ATP10A: variants seen among roughly 807,000 people sequenced by gnomAD.
The protein encoded by ATP10A is phospholipid-transporting ATPase VA.
In ATP10A, 111 loss-of-function variants were observed where a neutral mutation model predicts 147.8. The observed-to-expected ratio is 0.75, with a 90% CI of 0.64 to 0.88. The LOEUF is 0.88. ATP10A is among the 40% of genes least tolerant of loss of function. The pLI is 0.00. For missense variants in ATP10A, 1,927 were observed against 1,959.0 expected, an observed-to-expected ratio of 0.98 and a Z score of 0.31; for synonymous variants, 875 against 841.6, an observed-to-expected ratio of 1.04 and a Z score of -0.69.
At chr15:25,678,530 G>A (rs1433133288), downstream of ATP10A, 1 of 152,154 alleles carries the variant, frequency 6.6e-6, no homozygotes, top group Non-Finnish European at 1.5e-5. Flanking sequence ...TTGGCACGTG[G>A]TGCTGATGGC....
intron 1 of ATP10A, among the ~76,000 whole-genome samples, chr15:25,860,383 T>A (rs1893708300): frequency 6.6e-6 from 1 of 152,144 alleles, no homozygotes; most frequent in African/African-American, 2.4e-5. Flanking sequence ...CTTCACCTGG[T>A]AGACATGCCC....
downstream of ATP10A, among the ~76,000 whole-genome samples, chr15:25,674,673 A>AT (rs1236499431): frequency 6.6e-6 from 1 of 152,190 alleles, no homozygotes; most frequent in Non-Finnish European, 1.5e-5. Flanking sequence ...ATTATTTATT[A>AT]TTTTTTTGTC....
At position 25,808,157 on chromosome 15, in the gene ATP10A, T is replaced by C. The variant is rs868662590; in HGVS notation, c.450-26934A>G. 5.4e-4 allele frequency among the ~76,000 whole-genome samples: 82 copies of C among 152,326 alleles called. No homozygotes were observed. In the Middle Eastern group the frequency reaches 0.01, roughly 19 times the overall value. ...ACAGCATTGCCATGAATCTTCCCTG[T>C]TCCTCAAGGTTATTTTCTGGGTCTA... is the stretch of plus-strand genomic sequence containing the variant. On this transcript the variant is annotated intron_variant, in intron 1 of 20. Transcript: ENST00000555815.
At position 25,808,288 on chromosome 15, in the gene ATP10A, C is replaced by T. The variant is rs191225768; in HGVS notation, c.450-27065G>A. 4.9e-3 allele frequency among the ~76,000 whole-genome samples: 742 copies of T among 152,312 alleles called. 1 individual carries two copies. Among genetic ancestry groups the T allele is most frequent in the Non-Finnish European group, 7.3e-3 (494 of 68,028 alleles). On this transcript the variant is annotated intron_variant, in intron 1 of 20. Transcript: ENST00000555815. Reference sequence around the variant, plus strand: ...GCAGCTGGCCATAAATTAATGGTCACATGAGGAAGAGCAAGGAAGGATTAC... The same window carrying T: ...GCAGCTGGCCATAAATTAATGGTCATATGAGGAAGAGCAAGGAAGGATTAC...
chr15:25,724,946 A>G (rs1009416822), intron 5 of ATP10A, among the ~76,000 whole-genome samples: 2 of 152,204 alleles, frequency 1.3e-5, no homozygotes, highest in Non-Finnish European at 1.5e-5. Context: ...TGACATTTAC[A>G]TCGTATTAGG....
At chr15:25,756,393 C>T (rs559335544) in intron 2 of ATP10A, among the ~76,000 whole-genome samples, 91 of 152,156 alleles carry the variant, frequency 6.0e-4, no homozygotes, top group Non-Finnish European at 1.0e-3. Context: ...CCTATAATCC[C>T]AGCACTTTGG....
At chr15:25,697,813 A>G (rs752694194) in intron 13 of ATP10A, among the ~76,000 whole-genome samples, 26 of 152,200 alleles carry the variant, frequency 1.7e-4, no homozygotes, top group Non-Finnish European at 3.7e-4. Context: ...GTCAACCCCA[A>G]CAGTGACATG....
intron 17 of ATP10A, among the ~76,000 whole-genome samples, chr15:25,681,940 G>A (rs1378219154): frequency 1.3e-5 from 2 of 151,476 alleles, no homozygotes; most frequent in African/African-American, 4.9e-5. Flanking sequence ...TGTAGTCCCA[G>A]CTACTCAGGA....
intron 20 of ATP10A, 59 bp downstream of exon 20, chr15:25,680,062 T>C (rs1899312000): frequency 1.3e-6 from 2 of 1,591,118 alleles, no homozygotes; most frequent in Non-Finnish European, 1.7e-6. Context: ...GCAGAAGCAA[T>C]GCCAATGTCG....
At chr15:25,812,646 T>TTTG (rs1002926933) in intron 1 of ATP10A, among the ~76,000 whole-genome samples, 40 of 152,272 alleles carry the variant, frequency 2.6e-4, no homozygotes, top group African/African-American at 8.9e-4. Flanking sequence ...ACAAGCTATT[T>TTTG]TTGTTGTTGT....
chr15:25,695,371 G>A lies in ATP10A; in HGVS notation c.2761-225C>T, dbSNP rs796237607. On this transcript the variant is annotated intron_variant, in intron 13 of 20. Transcript: ENST00000555815. ...CAGGCACCGTGGGTGGCTCACTCCTGTAATCCCAGCACTTTGGGAGGCCGA... is the reference window on the plus strand; with the variant it reads ...CAGGCACCGTGGGTGGCTCACTCCTATAATCCCAGCACTTTGGGAGGCCGA... Among the ~76,000 whole-genome samples, 11 of 152,302 alleles carry A rather than the reference G, an allele frequency of 7.2e-5. No homozygotes were observed. The South Asian group carries it at 2.1e-3, about 29-fold the overall frequency.
intron 2 of ATP10A, among the ~76,000 whole-genome samples, chr15:25,755,951 T>G (rs1051799601): frequency 6.6e-6 from 1 of 152,254 alleles, no homozygotes; most frequent in Non-Finnish European, 1.5e-5. Flanking sequence ...CTAGAAACTT[T>G]TGCTTTGGGA....
chr15:25,781,752 ACTCCATTGAACAAGCAAATGCAT>A (rs1889938039), intron 1 of ATP10A, among the ~76,000 whole-genome samples: 1 of 152,144 alleles, frequency 6.6e-6, no homozygotes, highest in African/African-American at 2.4e-5. Context: ...ATATTGTATG[ACTCCATTGAACAAGCAAATGCAT>A]AGAGACAGAA....
chr15:25,819,640 T>G (rs1355253367), intron 1 of ATP10A, among the ~76,000 whole-genome samples: 1 of 152,184 alleles, frequency 6.6e-6, no homozygotes, highest in Non-Finnish European at 1.5e-5. Flanking sequence ...TTGTTATCAC[T>G]GCACTATTCA....
In ATP10A at chr15:25,694,922, G is replaced by A. The variant is rs751247911; in HGVS notation, c.2985C>T (p.Ala995=). The change falls in exon 14 of 21, where the codon GCC becomes GCT. Residue 995 remains alanine, a synonymous_variant. Coordinates refer to ENST00000555815, the MANE Select transcript of ATP10A (RefSeq NM_024490.4). ...KNLEDKFLFL[A]KQCRSVLCCR... ...AGCAGAGGACGGAGCGGCACTGCTTGGCAAGGAAGAGGAATTTGTCCTCCA... is the reference window on the plus strand; with the variant it reads ...AGCAGAGGACGGAGCGGCACTGCTTAGCAAGGAAGAGGAATTTGTCCTCCA... The A allele has an allele frequency of 6.2e-7, 1 of 1,614,040 alleles. No individual in the cohort carries two copies. The highest frequency in any genetic ancestry group is 2.2e-5 in the East Asian group (1 of 44,876).
At chr15:25,854,800 G>A (rs1893437026) in intron 1 of ATP10A, among the ~76,000 whole-genome samples, 1 of 152,204 alleles carries the variant, frequency 6.6e-6, no homozygotes, top group Non-Finnish European at 1.5e-5. Flanking sequence ...GCTCACGCTT[G>A]TAATCCCAGC....
intron 2 of ATP10A, among the ~76,000 whole-genome samples, chr15:25,756,276 T>G (rs1009277924): frequency 6.6e-6 from 1 of 152,242 alleles, no homozygotes; most frequent in East Asian, 1.9e-4. Context: ...TTTGTCTATA[T>G]GTCTGTATGT....
intron 2 of ATP10A, among the ~76,000 whole-genome samples, chr15:25,761,447 G>A (rs1437037664): frequency 2.6e-5 from 4 of 152,234 alleles, no homozygotes; most frequent in South Asian, 2.1e-4. Context: ...ACCCCAGAAT[G>A]GTCGATCCAC....
At chr15:25,699,015 C>T (rs764178664) in intron 13 of ATP10A, among the ~76,000 whole-genome samples, 1 of 152,126 alleles carries the variant, frequency 6.6e-6, no homozygotes, top group East Asian at 1.9e-4. Flanking sequence ...AATATCAATG[C>T]TTCCCAAATT....
Sources: gnomAD v4.1 joint callset for allele counts (sites outside exome capture counted in the v4.1 genomes callset) on GRCh38, gnomAD v4.1.1 for gene constraint, MANE v1.5 for transcripts, NCBI Gene and HGNC (gene_info 2026-07-23, HGNC 2026-07-21) for gene names.